The following NTM variants were observed in gnomAD, a reference collection of about 807,000 sequenced individuals.
The protein encoded by NTM is neurotrimin.
A neutral mutation model predicts 42.1 loss-of-function variants in NTM; 13 were observed. The observed-to-expected ratio is 0.31, with a 90% CI of 0.20 to 0.49. NTM has a LOEUF of 0.49. NTM is among the 20% of genes least tolerant of loss of function. NTM has a pLI of 0.99. For synonymous variants in NTM, 187 were observed against 179.2 expected (o/e 1.04, Z -0.35); for missense variants, 373 against 452.8 (o/e 0.82, Z 1.60).
intron 1 of NTM, among the ~76,000 whole-genome samples, chr11:131,616,678 C>T (rs1025440682): frequency 3.3e-5 from 5 of 152,044 alleles, no homozygotes; most frequent in Non-Finnish European, 5.9e-5. Context: ...CCTCTGGTGA[C>T]TGAGCCAATC....
At chr11:131,538,828 T>C (rs952848986) in intron 1 of NTM, among the ~76,000 whole-genome samples, 4 of 152,152 alleles carry the variant, frequency 2.6e-5, no homozygotes, top group South Asian at 2.1e-4. Flanking sequence ...CAGTTAATAA[T>C]GTGTTGCACA....
Position 131,764,558 on chromosome 11 carries a change from G to T in NTM, c.83-147006G>T, listed in dbSNP as rs1162181666. Among the ~76,000 whole-genome samples the T allele has an allele frequency of 2.6e-5, 4 of 152,188 alleles. No homozygotes were observed. In the East Asian group the frequency reaches 7.7e-4, roughly 29 times the overall value. On this transcript the variant is annotated intron_variant, in intron 1 of 8. Transcript: ENST00000683400. Reference sequence around the variant, plus strand: ...TGAATTTTGGCTCTGCCACTAACTGGGTGACCTTGAGCAAATTACCTAACC... The same window carrying T: ...TGAATTTTGGCTCTGCCACTAACTGTGTGACCTTGAGCAAATTACCTAACC...
At chr11:131,692,048 T>C (rs1407739090) in intron 1 of NTM, among the ~76,000 whole-genome samples, 1 of 152,022 alleles carries the variant, frequency 6.6e-6, no homozygotes, top group African/African-American at 2.4e-5. Context: ...GAGTGAAAAG[T>C]CTCAAAGGGA....
intron 1 of NTM, among the ~76,000 whole-genome samples, chr11:131,666,484 G>C (rs1015717053): frequency 1.3e-5 from 2 of 152,110 alleles, no homozygotes; most frequent in African/African-American, 4.8e-5. Context: ...GAGACCACCT[G>C]ACTGCCCCCA....
At chr11:132,081,837 G>T (rs2059104821) in intron 2 of NTM, among the ~76,000 whole-genome samples, 2 of 151,280 alleles carry the variant, frequency 1.3e-5, no homozygotes, top group South Asian at 4.2e-4. Context: ...GTTGTGGCAG[G>T]AGGATCACTT....
chr11:131,390,972 A>G (rs1468753461), intron 1 of NTM, among the ~76,000 whole-genome samples: 1 of 152,068 alleles, frequency 6.6e-6, no homozygotes, highest in African/African-American at 2.4e-5. Flanking sequence ...GTGAACTACT[A>G]CGCCCAGTCC....
At chr11:131,970,630 G>A (rs769622578) in intron 2 of NTM, among the ~76,000 whole-genome samples, 1 of 152,124 alleles carries the variant, frequency 6.6e-6, no homozygotes, top group Admixed American at 6.5e-5. Flanking sequence ...TTATTCCCAG[G>A]CTTATGCCAG....
intron 2 of NTM, among the ~76,000 whole-genome samples, chr11:132,072,089 A>G (rs1044156467): frequency 2.6e-5 from 4 of 152,170 alleles, no homozygotes; most frequent in South Asian, 2.1e-4. Context: ...CCCCAAGTCA[A>G]TGACTCGATA....
intron 7 of NTM, 36 bp from the exon 8 acceptor site, chr11:132,330,117 C>T (rs377083832): frequency 1.7e-4 from 258 of 1,551,164 alleles, no homozygotes; most frequent in African/African-American, 1.6e-3. Flanking sequence ...CGTCTGCTTT[C>T]GACCTTAACA....
intron 2 of NTM, among the ~76,000 whole-genome samples, chr11:132,013,898 A>G (rs1685939928): frequency 6.6e-6 from 1 of 152,146 alleles, no homozygotes; most frequent in Admixed American, 6.6e-5. Context: ...TTCGAGTGGT[A>G]TCTTCTAGCC....
rs373447398 is a variant in NTM at position 131,607,597 on chromosome 11, A to G, written c.82+236709A>G. On this transcript the variant is annotated intron_variant, in intron 1 of 8. Transcript: ENST00000683400. Reference sequence around the variant, plus strand: ...AGTATGTATGAAAGAGCTTGGGGTCAGGGTTAGCAGAGCCTGCCTGTAATG... The same window carrying G: ...AGTATGTATGAAAGAGCTTGGGGTCGGGGTTAGCAGAGCCTGCCTGTAATG... 4.2e-4 allele frequency among the ~76,000 whole-genome samples: 64 copies of G among 152,292 alleles called. 1 individual carries two copies. Among genetic ancestry groups the G allele is most frequent in the African/African-American group, 1.5e-3 (62 of 41,562 alleles).
intron 4 of NTM, among the ~76,000 whole-genome samples, chr11:132,235,368 A>G (rs892211100): frequency 1.3e-5 from 2 of 151,992 alleles, no homozygotes; most frequent in Non-Finnish European, 2.9e-5. Flanking sequence ...GCGTGTATGC[A>G]TGTGTGTGTC....
intron 1 of NTM, among the ~76,000 whole-genome samples, chr11:131,896,744 G>A (rs961133276): frequency 2.7e-5 from 4 of 148,378 alleles, no homozygotes; most frequent in African/African-American, 5.0e-5. Flanking sequence ...GCTGGAGTGC[G>A]GTGGTGTGAT....
intron 1 of NTM, among the ~76,000 whole-genome samples, chr11:131,875,305 A>C (rs978678908): frequency 6.6e-6 from 1 of 152,226 alleles, no homozygotes; most frequent in Non-Finnish European, 1.5e-5. Flanking sequence ...ATTGAACATC[A>C]CTGCTTATAA....
intron 1 of NTM, among the ~76,000 whole-genome samples, chr11:131,608,231 CT>C (rs1233069842): frequency 6.6e-6 from 1 of 152,140 alleles, no homozygotes; most frequent in Non-Finnish European, 1.5e-5. Flanking sequence ...TGAACTCATC[CT>C]TTTTTATGGC....
chr11:131,838,103 A>AT (rs1398931458), intron 1 of NTM, among the ~76,000 whole-genome samples: 1 of 152,002 alleles, frequency 6.6e-6, no homozygotes, highest in Non-Finnish European at 1.5e-5. Flanking sequence ...CAGAGATTGG[A>AT]TTTTTTTCAC....
intron 1 of NTM, among the ~76,000 whole-genome samples, chr11:131,371,821 A>G (rs1380985444): frequency 6.6e-6 from 1 of 152,146 alleles, no homozygotes; most frequent in Non-Finnish European, 1.5e-5. Flanking sequence ...CCTCTTTTAT[A>G]TTAAACACAG....
At chr11:131,770,673 A>G (rs1428574547) in intron 1 of NTM, 1 of 152,186 alleles carries the variant, frequency 6.6e-6, no homozygotes, top group Non-Finnish European at 1.5e-5. Flanking sequence ...TCTGAGCTTC[A>G]CGAAACTGAG....
chr11:132,166,310 A>G lies in NTM; in HGVS notation c.400+19796A>G, dbSNP rs376920895. 5.3e-5 allele frequency among the ~76,000 whole-genome samples: 8 copies of G among 152,230 alleles called. No homozygotes were observed. In the South Asian group the frequency reaches 1.0e-3, roughly 20 times the overall value. On this transcript the variant is annotated intron_variant, in intron 3 of 8. Transcript: ENST00000683400. Reference sequence around the variant, plus strand: ...CCGCCTTGCCCACCTCATGGTCTCTATTAGTGAGACCTCATTATCTATTAG... The same window carrying G: ...CCGCCTTGCCCACCTCATGGTCTCTGTTAGTGAGACCTCATTATCTATTAG...
Sources: gnomAD v4.1 joint callset for allele counts (sites outside exome capture counted in the v4.1 genomes callset) on GRCh38, gnomAD v4.1.1 for gene constraint, MANE v1.5 for transcripts, NCBI Gene and HGNC (gene_info 2026-07-23, HGNC 2026-07-21) for gene names.